CDH4: variants seen among roughly 807,000 people sequenced by gnomAD.
The protein encoded by CDH4 is cadherin 4.
In CDH4, 33 loss-of-function variants were observed where a neutral mutation model predicts 86.0. The observed-to-expected ratio is 0.38, with a 90% confidence interval of 0.29 to 0.51. CDH4 has a LOEUF of 0.51. Among genes scored for constraint, CDH4 ranks in the 20% least tolerant of loss-of-function variants. CDH4 has a pLI of 0.86. For missense variants in CDH4, 1,114 were observed against 1,307.4 expected, an observed-to-expected ratio of 0.85 and a Z score of 2.28; for synonymous variants, 555 against 549.4, an observed-to-expected ratio of 1.01 and a Z score of -0.14.
At chr20:61,391,331 C>G (rs6089426) in intron 2 of CDH4, among the ~76,000 whole-genome samples, 1 of 151,938 alleles carries the variant, frequency 6.6e-6, no homozygotes, top group African/African-American at 2.4e-5. Flanking sequence ...CTTGCTAAAC[C>G]TATCTGATCT....
chr20:61,923,586 GCTCCCT>G lies in CDH4; in HGVS notation c.1511_1516del (p.Ala504_Tyr506delinsAsp). ...CATCTCCATCATGGACATCAACGAG[GCTCCCT>G]ACTTCCCCTCAAACCACAAGCTGAT... is the stretch of plus-strand genomic sequence containing the variant. On this transcript the variant is annotated inframe_deletion, in exon 10 of 16. Coordinates refer to ENST00000614565, the MANE Select transcript of CDH4 (RefSeq NM_001794.5). 1 of 1,614,152 alleles carries G rather than the reference GCTCCCT, an allele frequency of 6.2e-7. No homozygotes were observed. Among genetic ancestry groups the G allele is most frequent in the Non-Finnish European group, 8.5e-7 (1 of 1,180,024 alleles).
chr20:61,352,279 A>T (rs898880657), intron 2 of CDH4, among the ~76,000 whole-genome samples: 4 of 152,168 alleles, frequency 2.6e-5, no homozygotes, highest in Non-Finnish European at 4.4e-5. Context: ...TTAAAATTTA[A>T]TATATATTGA....
intron 2 of CDH4, among the ~76,000 whole-genome samples, chr20:61,648,451 G>A (rs943375990): frequency 3.3e-5 from 5 of 152,194 alleles, no homozygotes; most frequent in South Asian, 4.1e-4. Context: ...AGGTCCAACC[G>A]AGCTGGAGGC....
At chr20:61,419,867 A>T (rs1204381627) in intron 2 of CDH4, among the ~76,000 whole-genome samples, 1 of 152,226 alleles carries the variant, frequency 6.6e-6, no homozygotes, top group Non-Finnish European at 1.5e-5. Flanking sequence ...GCTCCCTCAC[A>T]GCCATCATCA....
intron 6 of CDH4, among the ~76,000 whole-genome samples, chr20:61,863,601 G>A (rs1983422039): frequency 2.0e-5 from 3 of 152,134 alleles, no homozygotes; most frequent in African/African-American, 7.2e-5. Context: ...ACTTGAGCAT[G>A]GCCCAGATCC....
chr20:61,562,312 C>T (rs1409202200), intron 2 of CDH4, among the ~76,000 whole-genome samples: 4 of 116,404 alleles, frequency 3.4e-5, no homozygotes, highest in Non-Finnish European at 6.9e-5. Context: ...AGAGAGGGAC[C>T]TCTGTGTGGA....
At chr20:61,775,444 G>A (rs1276129627) in intron 4 of CDH4, among the ~76,000 whole-genome samples, 2 of 152,204 alleles carry the variant, frequency 1.3e-5, no homozygotes, top group African/African-American at 4.8e-5. Flanking sequence ...AACCTTTTCT[G>A]TGAAGGGCCA....
At chr20:61,680,829 C>A (rs1014378746) in intron 2 of CDH4, among the ~76,000 whole-genome samples, 1 of 152,168 alleles carries the variant, frequency 6.6e-6, no homozygotes, top group Non-Finnish European at 1.5e-5. Context: ...TGAGTTCCCC[C>A]CTGTGTCTTC....
intron 2 of CDH4, among the ~76,000 whole-genome samples, chr20:61,294,307 A>C (rs1438472289): frequency 1.3e-5 from 2 of 152,128 alleles, no homozygotes; most frequent in African/African-American, 4.8e-5. Flanking sequence ...AAGGTCTTTG[A>C]GGTGGGTCTG....
intron 2 of CDH4, among the ~76,000 whole-genome samples, chr20:61,561,813 G>A (rs1007484940): frequency 1.3e-5 from 2 of 152,220 alleles, no homozygotes; most frequent in Non-Finnish European, 2.9e-5. Context: ...TGGACAAGAA[G>A]AGAAAAACAA....
At chr20:61,406,298 G>GCTCTGCCTGGACCAC (rs1568832678) in intron 2 of CDH4, among the ~76,000 whole-genome samples, 4 of 146,306 alleles carry the variant, frequency 2.7e-5, no homozygotes, top group African/African-American at 1.0e-4. Flanking sequence ...GCCCGGACCA[G>GCTCTGCCTGGACCAC]CATCTGCTCT....
intron 2 of CDH4, among the ~76,000 whole-genome samples, chr20:61,384,384 G>A (rs2084939998): frequency 6.6e-6 from 1 of 152,138 alleles, no homozygotes; most frequent in African/African-American, 2.4e-5. Flanking sequence ...GCACCAATGG[G>A]GGTGCTAAAG....
At chr20:61,833,354 C>G (rs1326045136) in intron 4 of CDH4, among the ~76,000 whole-genome samples, 2 of 152,132 alleles carry the variant, frequency 1.3e-5, no homozygotes, top group African/African-American at 2.4e-5. Flanking sequence ...TTGTTTCATT[C>G]AATCATCCAC....
intron 9 of CDH4, among the ~76,000 whole-genome samples, chr20:61,917,429 G>C (rs1267749229): frequency 1.3e-5 from 2 of 152,358 alleles, no homozygotes; most frequent in East Asian, 3.9e-4. Context: ...AAAAAGCCAA[G>C]AACCGGCCTC....
chr20:61,764,911 C>T (rs879901282), intron 3 of CDH4, among the ~76,000 whole-genome samples: 19 of 152,188 alleles, frequency 1.2e-4, no homozygotes, highest in Admixed American at 9.8e-4. Flanking sequence ...CTGCCGCCTC[C>T]GTAAATCACC....
intron 2 of CDH4, among the ~76,000 whole-genome samples, chr20:61,697,547 G>A (rs1234634425): frequency 2.6e-5 from 4 of 152,082 alleles, no homozygotes; most frequent in Admixed American, 6.5e-5. Context: ...GCAGTGAGCC[G>A]AGATCACGCC....
chr20:61,352,192 A>G lies in CDH4; in HGVS notation c.169+97255A>G, dbSNP rs533342575. Among the ~76,000 whole-genome samples, 7 of 152,008 alleles carry G rather than the reference A, an allele frequency of 4.6e-5. No homozygotes were observed. In the East Asian group the frequency reaches 1.4e-3, roughly 29 times the overall value. ...TGGCCACCTTTCTTCTCCTATCTCC[A>G]TGAGTTCATTTCATTTTTAGCTTCT... is the stretch of plus-strand genomic sequence containing the variant. On this transcript the variant is annotated intron_variant, in intron 2 of 15. Transcript: ENST00000614565.
intron 2 of CDH4, among the ~76,000 whole-genome samples, chr20:61,488,724 A>G (rs1042891709): frequency 6.6e-6 from 1 of 152,144 alleles, no homozygotes; most frequent in Non-Finnish European, 1.5e-5. Context: ...AATGCTTTTG[A>G]TAATGTTTTT....
chr20:61,834,534 G>A (rs115242531), intron 4 of CDH4, among the ~76,000 whole-genome samples: 188 of 152,336 alleles, frequency 1.2e-3, no homozygotes, highest in African/African-American at 4.5e-3. Flanking sequence ...TAGACGCTGT[G>A]TGACAAGACC....
Sources: gnomAD v4.1 joint callset for allele counts (sites outside exome capture counted in the v4.1 genomes callset) on GRCh38, gnomAD v4.1.1 for gene constraint, MANE v1.5 for transcripts, NCBI Gene and HGNC (gene_info 2026-07-23, HGNC 2026-07-21) for gene names.